DDR1: variants seen among roughly 807,000 people sequenced by gnomAD.
The protein encoded by DDR1 is discoidin domain receptor tyrosine kinase 1, also known as epithelial discoidin domain-containing receptor 1.
In DDR1, 64 loss-of-function variants were observed where a neutral mutation model predicts 97.4. The observed-to-expected ratio is 0.66, with a 90% CI of 0.54 to 0.81. The LOEUF (loss-of-function observed/expected upper bound fraction) is 0.81, where lower values mean the gene tolerates loss of function less well. Ranked by LOEUF, DDR1 falls within the 30% of genes least tolerant of loss-of-function variation. The pLI, the probability that DDR1 is intolerant of heterozygous loss-of-function variation, is 0.00. For synonymous variants in DDR1, 458 were observed against 503.7 expected, an observed-to-expected ratio of 0.91 and a Z score of 1.21; for missense variants, 990 against 1,259.6, an observed-to-expected ratio of 0.79 and a Z score of 3.24.
rs747679674 is a variant in DDR1 at position 30,900,039 on chromosome 6, G to A, written c.*743G>A. On this transcript the variant is annotated 3_prime_UTR_variant, in exon 18 of 18. Coordinates refer to ENST00000376568, the MANE Select transcript of DDR1 (RefSeq NM_001297654.2). Reference sequence around the variant, plus strand: ...CATTGATTTTTCTATAATCACTTGGGGTTTGTACATTTTTGGGGGGAGAGA... The same window carrying A: ...CATTGATTTTTCTATAATCACTTGGAGTTTGTACATTTTTGGGGGGAGAGA... 2 of 595,970 alleles carry A rather than the reference G, an allele frequency of 3.4e-6. No individual in the cohort carries two copies. Among genetic ancestry groups the A allele is most frequent in the Non-Finnish European group, 6.5e-6 (2 of 307,520 alleles). The allele number at this position is 595,970 out of a possible 1,614,324, so 36.9% of individuals were successfully genotyped here. A position where few individuals can be genotyped will look rare whatever the true frequency, so the allele number is the denominator to read the frequency against.
chr6:30,890,495 G>C lies in DDR1; in HGVS notation c.418-478G>C, dbSNP rs1562379568. 1 of 157,234 alleles carries C rather than the reference G, an allele frequency of 6.4e-6. No individual in the cohort carries two copies. Among genetic ancestry groups the C allele is most frequent in the Non-Finnish European group, 1.4e-5 (1 of 71,890 alleles). 9.7% of individuals were successfully genotyped at this position (157,234 alleles called of 1,614,324 possible). On this transcript the variant is annotated intron_variant, in intron 4 of 17. Transcript: ENST00000376568. This position sits in a 1 kb window ranked among gnomAD's most constrained non-coding sequence, Gnocchi z 5.0. ...CCATACTTCCTGCCTCTTGTTCTTC[G>C]CAGCTGTTTTCCCTGCTGGGATCTC...
chr6:30,891,529 G>C lies in DDR1; in HGVS notation c.665+50G>C, dbSNP rs28374870. ...GGAGTTTGGGGTGGGAGGGAGGACTGTGTGTGTGTGTGTGTGTGTGTGTGT... is the reference window on the plus strand; with the variant it reads ...GGAGTTTGGGGTGGGAGGGAGGACTCTGTGTGTGTGTGTGTGTGTGTGTGT... On this transcript the variant is annotated intron_variant, in intron 6 of 17. Coordinates refer to ENST00000376568, the MANE Select transcript of DDR1 (RefSeq NM_001297654.2). This position sits in a 1 kb window ranked among gnomAD's most constrained non-coding sequence, Gnocchi z 5.3. 0.03 allele frequency: 18,305 copies of C among 605,514 alleles called. 713 individuals carry two copies. The highest frequency in any genetic ancestry group is 0.038 in the Admixed American group (1,153 of 30,350). 37.5% of individuals were successfully genotyped at this position (605,514 alleles called of 1,614,324 possible).
intron 12 of DDR1, among the ~76,000 whole-genome samples, 166 bp from the exon 13 acceptor site, chr6:30,896,455 C>T (rs1425881319): frequency 6.6e-6 from 1 of 152,104 alleles, no homozygotes; most frequent in African/African-American, 2.4e-5. Context: ...CCAGTGTCTT[C>T]CTGGTTTGAG....
Position 30,886,191 on chromosome 6 carries a change from C to T in DDR1, c.-43+1481C>T, listed in dbSNP as rs960230155. ...GCTCTCGCTCTGTCTCCGCCTGCCT[C>T]GTATCCTCTGCCTGCCTTTGTATCT... On this transcript the variant is annotated intron_variant, in intron 1 of 17. Coordinates refer to ENST00000376568, the MANE Select transcript of DDR1 (RefSeq NM_001297654.2). The surrounding 1 kb of genome is among the most constrained non-coding windows in gnomAD (Gnocchi z 4.6). Among the ~76,000 whole-genome samples the T allele has an allele frequency of 2.0e-5, 3 of 152,092 alleles. No homozygotes were observed. Among genetic ancestry groups the T allele is most frequent in the Admixed American group, 2.0e-4 (3 of 15,270 alleles).
Position 30,889,552 on chromosome 6 carries a change from G to A in DDR1, c.417+122G>A. On this transcript the variant is annotated intron_variant, in intron 4 of 17. Coordinates refer to ENST00000376568, the MANE Select transcript of DDR1 (RefSeq NM_001297654.2). The surrounding 1 kb of genome is among the most constrained non-coding windows in gnomAD (Gnocchi z 4.9). ...TATCATCTCCAGACTAAGCCTCTCA[G>A]CTGAGCTCCAAACAATATTGTAAAC... 1.4e-6 allele frequency: 1 copy of A among 694,422 alleles called. No homozygotes were observed. The highest frequency in any genetic ancestry group is 2.2e-6 in the Non-Finnish European group (1 of 447,328). 43.0% of individuals were successfully genotyped at this position (694,422 alleles called of 1,614,324 possible).
Position 30,900,090 on chromosome 6 carries a change from A to G in DDR1, c.*794A>G. On this transcript the variant is annotated 3_prime_UTR_variant, in exon 18 of 18. Coordinates refer to ENST00000376568, the MANE Select transcript of DDR1 (RefSeq NM_001297654.2). ...CACAGATTTTTACACTAATATATGG[A>G]CCTAGCTTGAGGCAATTTTAATCCC... 1.7e-6 allele frequency: 1 copy of G among 596,572 alleles called. No individual in the cohort carries two copies. The highest frequency in any genetic ancestry group is 1.9e-5 in the Admixed American group (1 of 53,952). The allele number at this position is 596,572 out of a possible 1,614,324, so 37.0% of individuals were successfully genotyped here.
At chr6:30,885,321 C>T in intron 1 of DDR1, 3 of 1,478,694 alleles carry the variant, frequency 2.0e-6, no homozygotes, top group Non-Finnish European at 2.7e-6. Flanking sequence ...GAGGCAGGCG[C>T]CCAAGCTCGC....
chr6:30,896,594 C>T (rs775003547), intron 12 of DDR1, 27 bp from the exon 13 acceptor site: 2 of 1,603,320 alleles, frequency 1.2e-6, no homozygotes, highest in Non-Finnish European at 1.7e-6. Context: ...ATGCCTCGTC[C>T]TGTCTTCTTT....
chr6:30,881,670 T>C (rs910064615), upstream of DDR1, among the ~76,000 whole-genome samples: 1 of 152,188 alleles, frequency 6.6e-6, no homozygotes, highest in African/African-American at 2.4e-5. Context: ...CTTCATCCAG[T>C]TCAGCCCTTT....
At chr6:30,895,625 C>G in intron 12 of DDR1, 111 bp downstream of exon 12, 1 of 634,432 alleles carries the variant, frequency 1.6e-6, no homozygotes. Flanking sequence ...CTATTCTGCT[C>G]TCCTGAGCTC....
rs757598763 is a variant in DDR1, at chr6:30,897,551, G to A, written c.2170G>A (p.Glu724Lys). 1.4e-5 allele frequency: 22 copies of A among 1,613,682 alleles called. No homozygotes were observed. Among genetic ancestry groups the A allele is most frequent in the East Asian group, 4.5e-5 (2 of 44,876 alleles). ...SAHQLEDKAAEGAPGDGQAAQ... is the reference protein window; with the variant it reads ...SAHQLEDKAAKGAPGDGQAAQ... ...CCACCAGCTGGAGGACAAGGCAGCC[G>A]AGGGGGCCCCTGGGGACGGGCAGGC... The change falls in exon 15 of 18, where the codon GAG becomes AAG. Residue 724 changes from glutamate to lysine, a missense_variant. Transcript: ENST00000376568. The surrounding 1 kb of genome is among the most constrained non-coding windows in gnomAD (Gnocchi z 5.2).
rs779721373 is a variant in DDR1 at position 30,892,010 on chromosome 6, A to G, written c.674A>G (p.Tyr225Cys). 3.7e-6 allele frequency: 6 copies of G among 1,613,732 alleles called. No individual in the cohort carries two copies. The highest frequency in any genetic ancestry group is 5.1e-6 in the Non-Finnish European group (6 of 1,179,894). Residue 225 changes from tyrosine (Y) to cysteine (C), a missense_variant, in exon 7 of 18, where the codon TAT (tyrosine) becomes TGT (cysteine). Transcript: ENST00000376568. ...GGTCCCCTCTTCTCCAGACTGCAGT[A>G]TGGGGGTCTGGGCCAGCTGGCAGAT... The part of the protein sequence containing the change: ...YDGHTVGGLQ[Y>C]GGLGQLADGV...
Position 30,889,248 on chromosome 6 carries a change from G to T in DDR1, c.235G>T (p.Val79Leu). The T allele has an allele frequency of 6.2e-7, 1 of 1,613,092 alleles. No individual in the cohort carries two copies. The highest frequency in any genetic ancestry group is 8.5e-7 in the Non-Finnish European group (1 of 1,180,034). Residue 79 changes from valine to leucine, a missense_variant, in exon 4 of 18, where the codon GTG becomes TTG. Transcript: ENST00000376568. This position sits in a 1 kb window ranked among gnomAD's most constrained non-coding sequence, Gnocchi z 4.9. ...GDGAWCPAGS[V>L]FPKEEEYLQV... ...TGGGGCCTGGTGCCCCGCAGGGTCG[G>T]TGTTTCCCAAGGAGGAGGAGTACTT... is the stretch of plus-strand genomic sequence containing the variant.
chr6:30,897,808 T>G lies in DDR1; in HGVS notation c.2216+211T>G, dbSNP rs1791486827. Among the ~76,000 whole-genome samples, 1 of 152,184 alleles carries G rather than the reference T, an allele frequency of 6.6e-6. No homozygotes were observed. The highest frequency in any genetic ancestry group is 1.9e-4 in the East Asian group (1 of 5,194). The stretch of plus-strand genomic sequence containing the variant: ...GACTATGCAAGAGTGGTGAAGGGAC[T>G]TGGGCCCTGCCATGACGTCCCTTCT... On this transcript the variant is annotated intron_variant, in intron 15 of 17. Coordinates refer to ENST00000376568, the MANE Select transcript of DDR1 (RefSeq NM_001297654.2). The surrounding 1 kb of genome is among the most constrained non-coding windows in gnomAD (Gnocchi z 5.2).
chr6:30,895,321 C>T (rs1484420036), intron 11 of DDR1, 83 bp from the exon 12 acceptor site: 2 of 995,178 alleles, frequency 2.0e-6, no homozygotes, highest in Middle Eastern at 2.1e-4. Flanking sequence ...CAGCCCTGGT[C>T]TTGCCCTATT....
upstream of DDR1, chr6:30,883,809 G>C (rs571579316): frequency 2.4e-4 from 37 of 152,810 alleles, no homozygotes; most frequent in African/African-American, 8.9e-4. The surrounding 1 kb of genome is among the most constrained non-coding windows in gnomAD (Gnocchi z 4.9). Context: ...AGAAGAGAGT[G>C]GGCCCGCCTT....
At position 30,888,554 on chromosome 6, in the gene DDR1, C is replaced by T. The variant is rs971244557; in HGVS notation, c.-42-134C>T. 3 of 1,013,086 alleles carry T rather than the reference C, an allele frequency of 3.0e-6. No homozygotes were observed. The highest frequency in any genetic ancestry group is 2.8e-6 in the Non-Finnish European group (2 of 706,052). The allele number at this position is 1,013,086 out of a possible 1,614,324, so 62.8% of individuals were successfully genotyped here. A position where few individuals can be genotyped will look rare whatever the true frequency, so the allele number is the denominator to read the frequency against. On this transcript the variant is annotated intron_variant, in intron 1 of 17. Transcript: ENST00000376568. This position sits in a 1 kb window ranked among gnomAD's most constrained non-coding sequence, Gnocchi z 4.2. ...CAGGGGAAGCATTCTAAAAATATAG[C>T]TGATGCTGTTAAACAATGACTGTTG...
intron 16 of DDR1, 111 bp downstream of exon 16, chr6:30,898,418 C>T (rs1582112360): frequency 6.2e-6 from 5 of 803,248 alleles, no homozygotes; most frequent in Middle Eastern, 5.8e-4. Context: ...TTGCATTTTA[C>T]AGAATCTCAT....
chr6:30,886,500 C>G lies in DDR1; in HGVS notation c.-43+1790C>G, dbSNP rs1269236770. Among the ~76,000 whole-genome samples the G allele has an allele frequency of 6.6e-6, 1 of 152,218 alleles. No homozygotes were observed. Among genetic ancestry groups the G allele is most frequent in the East Asian group, 1.9e-4 (1 of 5,202 alleles). Reference sequence around the variant, plus strand: ...TTCAGAGCTCTGGGGTCTCAGCTGCCTCTTACATTCCTGCCCTAGTGCATT... The same window carrying G: ...TTCAGAGCTCTGGGGTCTCAGCTGCGTCTTACATTCCTGCCCTAGTGCATT... On this transcript the variant is annotated intron_variant, in intron 1 of 17. Coordinates refer to ENST00000376568, the MANE Select transcript of DDR1 (RefSeq NM_001297654.2). The surrounding 1 kb of genome is among the most constrained non-coding windows in gnomAD (Gnocchi z 4.6).
Sources: allele counts gnomAD v4.1 joint callset (sites outside exome capture counted in the v4.1 genomes callset), GRCh38; gene constraint gnomAD v4.1.1; non-coding constraint Gnocchi (gnomAD v3.1); transcripts MANE v1.5; gene names NCBI Gene and HGNC (gene_info 2026-07-23, HGNC 2026-07-21).